Variants in MYO5A observed in about 807,000 individuals in gnomAD.
MYO5A encodes the protein myosin VA.
Under a neutral mutation model 249.7 loss-of-function variants are expected in MYO5A, and 98 were observed. That is an observed-to-expected ratio of 0.39 (90% CI 0.33 to 0.46). The LOEUF (loss-of-function observed/expected upper bound fraction) is 0.46, where lower values mean the gene tolerates loss of function less well. Ranked by LOEUF, MYO5A falls within the 20% of genes least tolerant of loss-of-function variation. The probability of loss-of-function intolerance (pLI) is 0.98; values close to 1 mark genes in which losing one functional copy is unlikely to be tolerated. For missense variants in MYO5A, 1,696 were observed against 2,308.8 expected (o/e 0.73, Z 5.44); for synonymous variants, 778 against 810.6 (o/e 0.96, Z 0.68).
chr15:52,362,650 T>C (rs2040590894), intron 24 of MYO5A, among the ~76,000 whole-genome samples: 1 of 152,144 alleles, frequency 6.6e-6, no homozygotes, highest in Non-Finnish European at 1.5e-5. Context: ...GTCACAGGCA[T>C]ACAATGGAGA....
In MYO5A at chr15:52,428,440, TGA is replaced by T; in HGVS notation, c.266_267del (p.Leu89GlnfsTer6). The T allele has an allele frequency of 6.2e-7, 1 of 1,613,884 alleles. No homozygotes were observed. The highest frequency in any genetic ancestry group is 8.5e-7 in the Non-Finnish European group (1 of 1,179,734). ...AGTTTGGAATCAATAAAGCGGACTC[TGA>T]GATTATGGAGCACAGCAGGCTCATG... is the stretch of plus-strand genomic sequence containing the variant. ...YLHEPAVLHN[L>X]RVRFIDSKLI... On this transcript the variant is annotated frameshift_variant, in exon 3 of 42. Transcript: ENST00000399233. LOFTEE classifies it high-confidence loss of function.
At chr15:52,402,728 C>T (rs1017843345) in intron 9 of MYO5A, among the ~76,000 whole-genome samples, 2 of 152,030 alleles carry the variant, frequency 1.3e-5, no homozygotes, top group Non-Finnish European at 2.9e-5. Flanking sequence ...ACCTGTAATC[C>T]CAGCTACTCG....
At chr15:52,401,458 T>C (rs993344468) in intron 9 of MYO5A, among the ~76,000 whole-genome samples, 3 of 152,206 alleles carry the variant, frequency 2.0e-5, no homozygotes, top group African/African-American at 7.2e-5. Flanking sequence ...TCTAACTTAA[T>C]AGTTTCCACT....
intron 2 of MYO5A, 45 bp from the exon 3 acceptor site, chr15:52,428,614 A>G (rs1472345820): frequency 1.3e-6 from 2 of 1,599,982 alleles, no homozygotes; most frequent in African/African-American, 1.3e-5. Flanking sequence ...TATGGCAAGG[A>G]CTGTGAAAGA....
Position 52,408,124 on chromosome 15 carries a change from T to C in MYO5A, c.773A>G (p.Asn258Ser). The change falls in exon 7 of 42, where the codon AAC becomes AGC. Residue 258 changes from asparagine to serine, a missense_variant. Transcript: ENST00000399233. ...RVVFQAEEER[N>S]YHIFYQLCAS... The stretch of plus-strand genomic sequence containing the variant: ...ACAAAGCTGATAGAAGATATGATAG[T>C]TTCTCTCCTCTTCTGCCTTCGAAAT... The C allele has an allele frequency of 1.2e-6, 2 of 1,604,102 alleles. No homozygotes were observed. The highest frequency in any genetic ancestry group is 2.2e-5 in the South Asian group (2 of 90,364).
intron 4 of MYO5A, among the ~76,000 whole-genome samples, chr15:52,424,060 T>G (rs1489276647): frequency 1.3e-5 from 2 of 152,242 alleles, no homozygotes; most frequent in Non-Finnish European, 2.9e-5. Context: ...AGTTCTCAGG[T>G]TGTACTAAGT....
rs776885027 is a variant in MYO5A, at chr15:52,375,298, C to A, written c.2577+6G>T. 6.2e-7 allele frequency: 1 copy of A among 1,613,948 alleles called. No individual in the cohort carries two copies. Among genetic ancestry groups the A allele is most frequent in the Non-Finnish European group, 8.5e-7 (1 of 1,179,886 alleles). On this transcript the variant is annotated splice_donor_region_variant and intron_variant, in intron 20 of 41. Coordinates refer to ENST00000399233, the MANE Select transcript of MYO5A (RefSeq NM_001382347.1). ...TGAATAAACAAAGTTGAAAATAATG[C>A]CTCACCTTGCGATACCTATTTCTGG...
rs1054303756 is a variant in MYO5A at position 52,308,086 on chromosome 15, A to G, written c.*5610T>C. On this transcript the variant is annotated 3_prime_UTR_variant, in exon 42 of 42. Transcript: ENST00000399233. ...AATATACTAACCTGCCAAGCACTGA[A>G]TTATATATACCAGTTTCAACTAAAA... is the stretch of plus-strand genomic sequence containing the variant. 3 of 152,186 alleles carry G rather than the reference A, an allele frequency of 2.0e-5. No individual in the cohort carries two copies. The highest frequency in any genetic ancestry group is 4.8e-5 in the African/African-American group (2 of 41,448). The allele number at this position is 152,186 out of a possible 1,614,324, so 9.4% of individuals were successfully genotyped here. A position where few individuals can be genotyped will look rare whatever the true frequency, so the allele number is the denominator to read the frequency against.
chr15:52,425,441 C>T (rs754487023), intron 4 of MYO5A, among the ~76,000 whole-genome samples: 4 of 152,118 alleles, frequency 2.6e-5, no homozygotes, highest in African/African-American at 4.8e-5. Context: ...CTCACTGCAA[C>T]CTCTGTCTCC....
chr15:52,326,554 G>A (rs2038617458), intron 36 of MYO5A, among the ~76,000 whole-genome samples: 2 of 152,158 alleles, frequency 1.3e-5, no homozygotes. Flanking sequence ...GCTGAGGGAG[G>A]GAGGAATGGG....
intron 1 of MYO5A, among the ~76,000 whole-genome samples, chr15:52,448,924 G>C (rs1311818417): frequency 8.1e-6 from 1 of 123,382 alleles, no homozygotes; most frequent in Admixed American, 7.9e-5. Context: ...CCAGTCTCAG[G>C]TATTTCTTTT....
At chr15:52,464,234 C>T (rs2141424911) in intron 1 of MYO5A, among the ~76,000 whole-genome samples, 1 of 152,334 alleles carries the variant, frequency 6.6e-6, no homozygotes, top group East Asian at 1.9e-4. Context: ...CTTTACTATA[C>T]TCTACGATGT....
chr15:52,485,274 A>C (rs2076796059), intron 1 of MYO5A, among the ~76,000 whole-genome samples: 1 of 151,316 alleles, frequency 6.6e-6, no homozygotes, highest in African/African-American at 2.4e-5. Context: ...AAAAAAAAAA[A>C]AAAAACAAGA....
intron 3 of MYO5A, 30 bp downstream of exon 3, chr15:52,428,368 C>T (rs755452594): frequency 1.9e-6 from 3 of 1,597,102 alleles, no homozygotes; most frequent in African/African-American, 2.7e-5. Context: ...AAAGAGTCCA[C>T]AGTCTATTCG....
chr15:52,372,038 A>G, intron 21 of MYO5A, 86 bp downstream of exon 21: 2 of 1,591,590 alleles, frequency 1.3e-6, no homozygotes, highest in South Asian at 1.1e-5. Context: ...ACCGAAGGGT[A>G]AAGTCAAAGA....
chr15:52,495,296 A>T (rs1297378869), intron 1 of MYO5A, among the ~76,000 whole-genome samples: 2 of 152,220 alleles, frequency 1.3e-5, no homozygotes, highest in Non-Finnish European at 2.9e-5. Context: ...TAAGCTAGTC[A>T]CAGAGATATA....
chr15:52,503,037 AC>A (rs1360935904), intron 1 of MYO5A, among the ~76,000 whole-genome samples: 1 of 152,152 alleles, frequency 6.6e-6, no homozygotes, highest in Non-Finnish European at 1.5e-5. Flanking sequence ...GGTAGCAGGG[AC>A]GGGGAGATAA....
At chr15:52,335,016 T>C (rs578164945) in intron 34 of MYO5A, among the ~76,000 whole-genome samples, 11 of 152,256 alleles carry the variant, frequency 7.2e-5, no homozygotes, top group African/African-American at 2.4e-4. Context: ...ACCTGGCATG[T>C]TGGAGGAATG....
chr15:52,524,421 G>C (rs1291331247), intron 1 of MYO5A, among the ~76,000 whole-genome samples: 1 of 151,958 alleles, frequency 6.6e-6, no homozygotes. Context: ...GGGTTTGGTA[G>C]CACATGCCTG....
Sources: allele counts gnomAD v4.1 joint callset (sites outside exome capture counted in the v4.1 genomes callset), GRCh38; gene constraint gnomAD v4.1.1; transcripts MANE v1.5; gene names NCBI Gene and HGNC (gene_info 2026-07-23, HGNC 2026-07-21).